WNT3: variants seen among roughly 807,000 people sequenced by gnomAD.
The protein encoded by WNT3 is Wnt family member 3, also known as proto-oncogene Wnt-3.
WNT3 carries 7 observed loss-of-function variants against 34.2 expected under a neutral mutation model. The observed-to-expected ratio is 0.20, with a 90% CI of 0.12 to 0.38. WNT3 has a LOEUF of 0.38. Among genes scored for constraint, WNT3 ranks in the 10% least tolerant of loss-of-function variants. The pLI is 1.00. For synonymous variants in WNT3, 212 were observed against 211.5 expected (o/e 1.00, Z -0.02); for missense variants, 267 against 499.8 (o/e 0.53, Z 4.44).
At chr17:46,792,756 G>A (rs1225075948) in intron 1 of WNT3, among the ~76,000 whole-genome samples, 3 of 152,200 alleles carry the variant, frequency 2.0e-5, no homozygotes, top group Admixed American at 6.5e-5. Context: ...ACAGGTGTGA[G>A]CCATCACGCC....
At chr17:46,797,124 C>T (rs1254449057) in intron 1 of WNT3, among the ~76,000 whole-genome samples, 4 of 152,162 alleles carry the variant, frequency 2.6e-5, no homozygotes, top group Non-Finnish European at 5.9e-5. Context: ...TAATGAGCTG[C>T]TAATATTCAA....
chr17:46,785,991 C>A (rs1322988735), intron 1 of WNT3, among the ~76,000 whole-genome samples: 3 of 152,324 alleles, frequency 2.0e-5, no homozygotes, highest in Non-Finnish European at 4.4e-5. Context: ...AATGTTGAAA[C>A]CTGTAAAATG....
chr17:46,805,950 G>T (rs1037229581), intron 1 of WNT3, among the ~76,000 whole-genome samples: 25 of 152,214 alleles, frequency 1.6e-4, no homozygotes, highest in African/African-American at 5.8e-4. Context: ...GGAGCCTTCG[G>T]CAATGGAATG....
intron 1 of WNT3, among the ~76,000 whole-genome samples, chr17:46,806,824 C>T (rs889779536): frequency 6.6e-5 from 10 of 152,224 alleles, no homozygotes; most frequent in African/African-American, 2.4e-4. Flanking sequence ...CCCTGGCCGC[C>T]GCTCCCCTCT....
intron 1 of WNT3, among the ~76,000 whole-genome samples, chr17:46,794,805 C>T (rs1030225665): frequency 8.2e-5 from 12 of 146,206 alleles, no homozygotes; most frequent in Non-Finnish European, 1.6e-4. Context: ...GGCTGGAGTG[C>T]AGAGGTACGA....
intron 1 of WNT3, among the ~76,000 whole-genome samples, chr17:46,778,239 A>G (rs2059428581): frequency 6.6e-6 from 1 of 152,154 alleles, no homozygotes; most frequent in Non-Finnish European, 1.5e-5. Flanking sequence ...TTCCTATCCA[A>G]CACTGGAAAG....
chr17:46,784,380 G>A lies in WNT3; in HGVS notation c.81-10471C>T, dbSNP rs964286667. ...ACAGAGCTGGGCCCAAGAGAGGGACGGAAGCTAGAAATCCATCTGGGGATG... is the reference window on the plus strand; with the variant it reads ...ACAGAGCTGGGCCCAAGAGAGGGACAGAAGCTAGAAATCCATCTGGGGATG... On this transcript the variant is annotated intron_variant, in intron 1 of 4. Transcript: ENST00000225512. Among the ~76,000 whole-genome samples, 6 of 152,286 alleles carry A rather than the reference G, an allele frequency of 3.9e-5. No individual in the cohort carries two copies. The East Asian group carries it at 9.6e-4, about 24-fold the overall frequency.
intron 4 of WNT3, among the ~76,000 whole-genome samples, chr17:46,766,241 C>T (rs2059311644): frequency 6.6e-6 from 1 of 152,078 alleles, no homozygotes; most frequent in South Asian, 2.1e-4. Context: ...AAACCCGTCT[C>T]TACTAAAAAT....
At chr17:46,787,861 C>T (rs956375493) in intron 1 of WNT3, among the ~76,000 whole-genome samples, 3 of 151,092 alleles carry the variant, frequency 2.0e-5, no homozygotes, top group Non-Finnish European at 4.4e-5. Flanking sequence ...GAGGCTGAGA[C>T]AGGAGAATCG....
rs957792906 is a variant in WNT3 at position 46,775,211 on chromosome 17, T to C, written c.81-1302A>G. Among the ~76,000 whole-genome samples, 5 of 152,208 alleles carry C rather than the reference T, an allele frequency of 3.3e-5. 1 individual carries two copies. In the South Asian group the frequency reaches 1.0e-3, roughly 32 times the overall value. On this transcript the variant is annotated intron_variant, in intron 1 of 4. Coordinates refer to ENST00000225512, the MANE Select transcript of WNT3 (RefSeq NM_030753.5). ...AACATTTCTGATCAATTCCCAAACA[T>C]GAAGAACATCACTATCTCCTGGACT...
At chr17:46,804,927 C>A (rs1046020554) in intron 1 of WNT3, among the ~76,000 whole-genome samples, 2 of 145,382 alleles carry the variant, frequency 1.4e-5, no homozygotes, top group Non-Finnish European at 3.0e-5. Context: ...CCACCCCCCC[C>A]ACCCCCAAGC....
intron 1 of WNT3, among the ~76,000 whole-genome samples, chr17:46,795,984 T>G (rs1162879822): frequency 6.6e-6 from 1 of 151,758 alleles, no homozygotes. Flanking sequence ...GAATAGAGGA[T>G]TAAAAAAAAA....
At chr17:46,796,162 G>A (rs905550699) in intron 1 of WNT3, among the ~76,000 whole-genome samples, 2 of 152,128 alleles carry the variant, frequency 1.3e-5, no homozygotes, top group African/African-American at 4.8e-5. Context: ...CGTTTCCTTG[G>A]GAGGACTCAA....
intron 3 of WNT3, 48 bp downstream of exon 3, chr17:46,769,735 A>C (rs1040599615): frequency 6.2e-7 from 1 of 1,600,510 alleles, no homozygotes; most frequent in Admixed American, 1.7e-5. Context: ...CCGGAGGGGA[A>C]GCGGGGGGCT....
intron 1 of WNT3, among the ~76,000 whole-genome samples, chr17:46,799,723 C>T (rs1206121323): frequency 6.6e-6 from 1 of 152,206 alleles, no homozygotes; most frequent in African/African-American, 2.4e-5. Flanking sequence ...GTAGGGATTA[C>T]AGGCATGAGC....
intron 1 of WNT3, among the ~76,000 whole-genome samples, chr17:46,791,229 T>TC: frequency 6.6e-6 from 1 of 151,974 alleles, no homozygotes; most frequent in African/African-American, 2.4e-5. Context: ...TTTTTTTTTT[T>TC]CTGAGACAGA....
At chr17:46,801,039 C>G (rs2084118537) in intron 1 of WNT3, among the ~76,000 whole-genome samples, 1 of 152,218 alleles carries the variant, frequency 6.6e-6, no homozygotes, top group Admixed American at 6.5e-5. Context: ...TCACTGAGTA[C>G]ACACCTGACC....
chr17:46,773,228 T>C (rs1243567339), intron 2 of WNT3, among the ~76,000 whole-genome samples: 1 of 151,942 alleles, frequency 6.6e-6, no homozygotes, highest in Non-Finnish European at 1.5e-5. Context: ...CTAGAGGGGC[T>C]CTTGGGGGCA....
chr17:46,784,952 AT>A (rs371924571), intron 1 of WNT3, among the ~76,000 whole-genome samples: 1,588 of 151,126 alleles, frequency 0.011, 8 homozygotes, highest in Middle Eastern at 0.024. Flanking sequence ...ATTTTTTTGT[AT>A]TTTTTAGTAG....
Sources: gnomAD v4.1 joint callset for allele counts (sites outside exome capture counted in the v4.1 genomes callset) on GRCh38, gnomAD v4.1.1 for gene constraint, MANE v1.5 for transcripts, NCBI Gene and HGNC (gene_info 2026-07-23, HGNC 2026-07-21) for gene names.